The following BDP1 variants were observed in gnomAD, a reference collection of about 807,000 sequenced individuals.
The protein encoded by BDP1 is transcription factor TFIIIB component B'' homolog.
In BDP1, 169 loss-of-function variants were observed where a neutral mutation model predicts 266.6. The observed-to-expected ratio is 0.63, with a 90% confidence interval of 0.56 to 0.72. The LOEUF is 0.72. BDP1 is among the 30% of genes least tolerant of loss of function. The pLI is 0.00. For missense variants in BDP1, 3,015 were observed against 3,053.8 expected (o/e 0.99, Z 0.30); for synonymous variants, 1,090 against 1,022.4 (o/e 1.07, Z -1.26).
chr5:71,461,524 G>A (rs1430358152), intron 2 of BDP1, among the ~76,000 whole-genome samples: 1 of 151,996 alleles, frequency 6.6e-6, no homozygotes, highest in Non-Finnish European at 1.5e-5. Flanking sequence ...TGAGGTGGGA[G>A]GACTGCTTGA....
In BDP1 at chr5:71,504,638, A is replaced by G. The variant is rs760997644; in HGVS notation, c.2259A>G (p.Glu753=). 1.2e-6 allele frequency: 2 copies of G among 1,613,228 alleles called. No homozygotes were observed. The highest frequency in any genetic ancestry group is 2.7e-5 in the African/African-American group (2 of 74,892). The change falls in exon 16 of 39, where the codon GAA becomes GAG. Residue 753 remains glutamate (E), a synonymous_variant. Coordinates refer to ENST00000358731, the MANE Select transcript of BDP1 (RefSeq NM_018429.3). ...TTTTTAAGACTCCTCAACACATGGA[A>G]GATCAATCGCGTAAAGATTTTGAAG... The part of the protein sequence containing the change: ...CADRDTPQHM[E]DQSRKDFEEE...
chr5:71,531,242 G>T (rs1203048997), intron 25 of BDP1, among the ~76,000 whole-genome samples: 1 of 152,062 alleles, frequency 6.6e-6, no homozygotes, highest in East Asian at 1.9e-4. Flanking sequence ...ACATGAGTGA[G>T]ACCCTGCCTC....
At chr5:71,535,136 A>G (rs984786670) in intron 26 of BDP1, among the ~76,000 whole-genome samples, 1 of 152,178 alleles carries the variant, frequency 6.6e-6, no homozygotes, top group African/African-American at 2.4e-5. Flanking sequence ...GATCACTGTA[A>G]CAAAGTACAG....
chr5:71,571,532 C>T (rs548888697), downstream of BDP1, among the ~76,000 whole-genome samples: 1 of 152,316 alleles, frequency 6.6e-6, no homozygotes, highest in East Asian at 1.9e-4. Flanking sequence ...CAGATGGCTT[C>T]CTGTACATGG....
chr5:71,572,459 A>G (rs112270930), downstream of BDP1, among the ~76,000 whole-genome samples: 1 of 152,122 alleles, frequency 6.6e-6, no homozygotes, highest in African/African-American at 2.4e-5. Flanking sequence ...TGACAAGGCG[A>G]ATGGGGACCC....
intron 37 of BDP1, 111 bp from the exon 38 acceptor site, chr5:71,562,163 A>ACT (rs749371783): frequency 2.7e-5 from 29 of 1,093,476 alleles, no homozygotes; most frequent in Admixed American, 6.3e-5. Flanking sequence ...GCGCCACTGC[A>ACT]CTCCAGCCTG....
chr5:71,541,343 T>C (rs1317168358), intron 28 of BDP1, 111 bp from the exon 29 acceptor site: 32 of 533,934 alleles, frequency 6.0e-5, no homozygotes, highest in Non-Finnish European at 8.7e-5. Context: ...GCCACACAAA[T>C]GAAGCAAACT....
chr5:71,518,376 A>G (rs1765330339), intron 22 of BDP1, among the ~76,000 whole-genome samples: 1 of 152,156 alleles, frequency 6.6e-6, no homozygotes, highest in South Asian at 2.1e-4. Flanking sequence ...AACCCTCTCT[A>G]GTTAGGTGAA....
intron 7 of BDP1, among the ~76,000 whole-genome samples, chr5:71,481,958 A>G (rs1461515420): frequency 6.6e-6 from 1 of 152,132 alleles, no homozygotes; most frequent in Non-Finnish European, 1.5e-5. Context: ...ACTCTAGGGT[A>G]TCGTTTTTAT....
chr5:71,458,924 A>AAGCATTTGT, intron 2 of BDP1, 69 bp downstream of exon 2: 1 of 1,465,916 alleles, frequency 6.8e-7, no homozygotes, highest in South Asian at 1.3e-5. Flanking sequence ...TTGGGAAGAA[A>AAGCATTTGT]AGCATTTGTA....
chr5:71,530,269 C>G (rs1224415963), intron 25 of BDP1, among the ~76,000 whole-genome samples: 1 of 151,928 alleles, frequency 6.6e-6, no homozygotes, highest in Non-Finnish European at 1.5e-5. Context: ...GGGTCTTACT[C>G]CATTGCCCAG....
chr5:71,549,041 C>G (rs1461729363), intron 33 of BDP1, among the ~76,000 whole-genome samples: 2 of 152,114 alleles, frequency 1.3e-5, no homozygotes, highest in Non-Finnish European at 2.9e-5. Context: ...GAGTTCGAGA[C>G]CAGCCTGGCC....
At chr5:71,564,710 T>C in intron 38 of BDP1, 44 bp from the exon 39 acceptor site, 1 of 1,495,854 alleles carries the variant, frequency 6.7e-7, no homozygotes, top group South Asian at 1.2e-5. Context: ...ATATAAATGT[T>C]GTATTACAGT....
chr5:71,465,696 C>T lies in BDP1; in HGVS notation c.660-400C>T, dbSNP rs796368927. Among the ~76,000 whole-genome samples the T allele has an allele frequency of 4.5e-4, 68 of 152,278 alleles. 1 individual carries two copies. Among genetic ancestry groups the T allele is most frequent in the African/African-American group, 1.6e-3 (67 of 41,564 alleles). ...AGGAGTTTGAGACCAGCCTGGCCAA[C>T]ATCGTGAAAACCCGTCTCTACTAAA... On this transcript the variant is annotated intron_variant, in intron 4 of 38. Coordinates refer to ENST00000358731, the MANE Select transcript of BDP1 (RefSeq NM_018429.3).
At position 71,509,532 on chromosome 5, in the gene BDP1, C is replaced by T. The variant is rs570046072; in HGVS notation, c.2440C>T (p.Pro814Ser). 5.1e-5 allele frequency: 82 copies of T among 1,609,846 alleles called. 1 individual carries two copies. In the South Asian group the frequency reaches 6.2e-4, roughly 12 times the overall value. ...VPILRTRFQK[P>S]KPNIGRGTGR... ...AATTCTAAGGACTCGATTTCAGAAACCAAAGCCAAATATAGGAAGAGGAAC... is the reference window on the plus strand; with the variant it reads ...AATTCTAAGGACTCGATTTCAGAAATCAAAGCCAAATATAGGAAGAGGAAC... Residue 814 changes from proline (P) to serine (S), a missense_variant, in exon 17 of 39, where the codon CCA (proline) becomes TCA (serine). By Grantham distance (74) the Pro-to-Ser change is moderately conservative. Transcript: ENST00000358731.
chr5:71,573,742 C>A, the BDP1 span, among the ~76,000 whole-genome samples: 1 of 152,176 alleles, frequency 6.6e-6, no homozygotes, highest in African/African-American at 2.4e-5. Flanking sequence ...TGGGTAAAGG[C>A]CCTTATTCAG....
In BDP1 at chr5:71,483,853, AC is replaced by A; in HGVS notation, c.1027del (p.Arg343GlyfsTer10). 6.2e-7 allele frequency: 1 copy of A among 1,610,554 alleles called. No homozygotes were observed. Among genetic ancestry groups the A allele is most frequent in the Non-Finnish European group, 8.5e-7 (1 of 1,177,658 alleles). ...ARIEIKNKFK[R>X]EEKTNGWRID... is the part of the protein sequence containing the mutation. ...TTTGTTGTTAACAGAATAAATTTAA[AC>A]GGGAAGAGAAAACAAATGGATGGAG... On this transcript the variant is annotated frameshift_variant, in exon 8 of 39. Transcript: ENST00000358731. LOFTEE classifies it high-confidence loss of function.
chr5:71,559,094 C>T (rs1028798496), intron 36 of BDP1, among the ~76,000 whole-genome samples: 2 of 152,066 alleles, frequency 1.3e-5, no homozygotes, highest in Non-Finnish European at 2.9e-5. Context: ...GCAGAGGTTG[C>T]AGTGAGCCGA....
chr5:71,473,937 C>G (rs1364661127), intron 7 of BDP1, among the ~76,000 whole-genome samples: 1 of 151,402 alleles, frequency 6.6e-6, no homozygotes, highest in Non-Finnish European at 1.5e-5. Context: ...AAACTTAGAG[C>G]ACTGATTTTA....
Sources: allele counts gnomAD v4.1 joint callset (sites outside exome capture counted in the v4.1 genomes callset), GRCh38; gene constraint gnomAD v4.1.1; transcripts MANE v1.5; gene names NCBI Gene and HGNC (gene_info 2026-07-23, HGNC 2026-07-21).